TMC7: variants seen among roughly 807,000 people sequenced by gnomAD.
The protein encoded by TMC7 is transmembrane channel like 7.
Under a neutral mutation model 82.9 loss-of-function variants are expected in TMC7, and 54 were observed. The observed-to-expected ratio is 0.65, with a 90% CI of 0.52 to 0.82. The LOEUF is 0.82. Ranked by LOEUF, TMC7 falls within the 40% of genes least tolerant of loss-of-function variation. The pLI is 0.00. For synonymous variants in TMC7, 350 were observed against 337.9 expected (o/e 1.04, Z -0.39); for missense variants, 820 against 901.2 (o/e 0.91, Z 1.15).
intron 3 of TMC7, among the ~76,000 whole-genome samples, chr16:19,021,126 T>A (rs1480486677): frequency 6.6e-6 from 1 of 152,114 alleles, no homozygotes; most frequent in East Asian, 1.9e-4. Flanking sequence ...ATTCTAACAT[T>A]TGTACATAAA....
intron 2 of TMC7, 121 bp downstream of exon 2, chr16:19,009,536 C>A: frequency 1.5e-6 from 2 of 1,295,542 alleles, no homozygotes; most frequent in South Asian, 3.4e-5. Context: ...TTAGGGTAAG[C>A]TAAGCCTCTT....
rs1962097011 is a variant in TMC7 at position 19,063,629 on chromosome 16, C to T, written c.*1786C>T. 1.3e-5 allele frequency: 2 copies of T among 151,800 alleles called. No individual in the cohort carries two copies. The highest frequency in any genetic ancestry group is 6.6e-5 in the Admixed American group (1 of 15,196). 9.4% of individuals were successfully genotyped at this position (151,800 alleles called of 1,614,324 possible). ...GCCCAGTGCCTTTATATTTATATAA[C>T]ATTTTCACTGTGACCAGACTTGATG... On this transcript the variant is annotated 3_prime_UTR_variant, in exon 16 of 16. Transcript: ENST00000304381.
chr16:19,002,803 C>T (rs890162644), intron 1 of TMC7, among the ~76,000 whole-genome samples: 12 of 152,230 alleles, frequency 7.9e-5, no homozygotes, highest in African/African-American at 1.2e-4. Flanking sequence ...AGATGGTCAA[C>T]AGCAGCCCAC....
chr16:19,045,586 A>G (rs1961235976), intron 11 of TMC7, 148 bp downstream of exon 11: 7 of 493,384 alleles, frequency 1.4e-5, no homozygotes, highest in Non-Finnish European at 2.5e-5. Flanking sequence ...ACAACTGGTA[A>G]CTTTCTTTTT....
chr16:19,024,624 T>C (rs1040356900), intron 5 of TMC7, among the ~76,000 whole-genome samples: 1 of 151,966 alleles, frequency 6.6e-6, no homozygotes, highest in Non-Finnish European at 1.5e-5. Context: ...AGTGGTGCAA[T>C]TGTAGCTCAC....
chr16:19,043,620 G>T (rs763719994), intron 9 of TMC7, among the ~76,000 whole-genome samples: 2 of 152,074 alleles, frequency 1.3e-5, no homozygotes, highest in Non-Finnish European at 2.9e-5. Flanking sequence ...GTCTAGGCTG[G>T]AGTGCAATGG....
intron 15 of TMC7, among the ~76,000 whole-genome samples, chr16:19,060,149 C>T (rs144533802): frequency 5.4e-4 from 82 of 152,160 alleles, no homozygotes; most frequent in African/African-American, 1.9e-3. Flanking sequence ...GAGTGACAAG[C>T]GGGCTATCAG....
intron 1 of TMC7, among the ~76,000 whole-genome samples, chr16:18,990,782 T>C (rs939353118): frequency 3.3e-5 from 5 of 152,134 alleles, no homozygotes; most frequent in African/African-American, 1.2e-4. Context: ...GGGGAGATTA[T>C]AAAGAACCTT....
chr16:19,014,605 A>G (rs1480718949), intron 2 of TMC7, among the ~76,000 whole-genome samples: 8 of 152,146 alleles, frequency 5.3e-5, no homozygotes, highest in African/African-American at 1.9e-4. Context: ...AGGCCCCAGC[A>G]CCTTCTCTTT....
intron 13 of TMC7, among the ~76,000 whole-genome samples, chr16:19,054,891 C>T (rs1961702614): frequency 6.6e-6 from 1 of 151,620 alleles, no homozygotes; most frequent in Non-Finnish European, 1.5e-5. Context: ...ATTACAGGCA[C>T]GTGCTGCCAC....
At chr16:19,020,658 A>G (rs1596751900) in intron 3 of TMC7, among the ~76,000 whole-genome samples, 1 of 152,140 alleles carries the variant, frequency 6.6e-6, no homozygotes, top group Admixed American at 6.6e-5. Flanking sequence ...ACCTGAGGTC[A>G]GGAGTTCGAG....
At chr16:18,987,936 A>G (rs1212803352) in intron 1 of TMC7, among the ~76,000 whole-genome samples, 1 of 152,122 alleles carries the variant, frequency 6.6e-6, no homozygotes, top group African/African-American at 2.4e-5. Flanking sequence ...TGGAGCAGGG[A>G]CTACTTGGAA....
intron 1 of TMC7, among the ~76,000 whole-genome samples, chr16:18,989,210 T>C (rs1003814667): frequency 1.3e-5 from 2 of 152,342 alleles, no homozygotes; most frequent in African/African-American, 4.8e-5. Context: ...AGGTCATTCA[T>C]CACCTTTAAA....
intron 5 of TMC7, among the ~76,000 whole-genome samples, chr16:19,029,901 G>C (rs1003942553): frequency 6.6e-6 from 1 of 152,014 alleles, no homozygotes; most frequent in African/African-American, 2.4e-5. Context: ...TTTTAGTGAA[G>C]ACGGGGGTTT....
At chr16:19,052,631 G>T (rs540048887) in intron 13 of TMC7, among the ~76,000 whole-genome samples, 1 of 152,126 alleles carries the variant, frequency 6.6e-6, no homozygotes, top group African/African-American at 2.4e-5. Flanking sequence ...TGGCAACATA[G>T]CAAGACCTTG....
chr16:18,992,316 G>A (rs1333983232), intron 1 of TMC7, among the ~76,000 whole-genome samples: 1 of 152,170 alleles, frequency 6.6e-6, no homozygotes, highest in African/African-American at 2.4e-5. Flanking sequence ...GTATCTTATT[G>A]TGGTTTTGAT....
intron 1 of TMC7, among the ~76,000 whole-genome samples, chr16:18,995,105 T>C (rs1443888609): frequency 6.6e-6 from 1 of 152,030 alleles, no homozygotes; most frequent in Non-Finnish European, 1.5e-5. Context: ...AAATGTCTCA[T>C]CCTAATAAGA....
chr16:18,984,308 A>G, intron 1 of TMC7, 178 bp downstream of exon 1: 1 of 1,316,282 alleles, frequency 7.6e-7, no homozygotes. Context: ...TGCTCCCTCC[A>G]CAAACGCGTC....
At chr16:19,021,559 G>T in intron 3 of TMC7, 70 bp from the exon 4 acceptor site, 2 of 1,507,608 alleles carry the variant, frequency 1.3e-6, no homozygotes, top group Non-Finnish European at 9.0e-7. Flanking sequence ...AGCTTTTGTG[G>T]CTGATTGAAT....
Sources: allele counts gnomAD v4.1 joint callset (sites outside exome capture counted in the v4.1 genomes callset), GRCh38; gene constraint gnomAD v4.1.1; transcripts MANE v1.5; gene names NCBI Gene and HGNC (gene_info 2026-07-23, HGNC 2026-07-21).